EPN3: variants seen among roughly 807,000 people sequenced by gnomAD.
EPN3 encodes epsin 3, also known as epsin-3.
Under a neutral mutation model 55.5 loss-of-function variants are expected in EPN3, and 56 were observed. The observed-to-expected ratio is 1.01, with a 90% confidence interval of 0.81 to 1.26. EPN3 has a LOEUF of 1.26. EPN3 is among the 50% of genes most tolerant of loss of function. The pLI, the probability that EPN3 is intolerant of heterozygous loss-of-function variation, is 0.00. For synonymous variants in EPN3, 449 were observed against 375.2 expected (o/e 1.20, Z -2.27); for missense variants, 927 against 853.4 (o/e 1.09, Z -1.07).
chr17:50,535,704 C>T (rs1032210269), intron 1 of EPN3, among the ~76,000 whole-genome samples: 2 of 152,178 alleles, frequency 1.3e-5, no homozygotes, highest in Admixed American at 6.5e-5. Flanking sequence ...CTCAACTGAA[C>T]GTGGGTGGAC....
Position 50,542,874 on chromosome 17 carries a change from T to TGCACAG in EPN3, c.*719_*724dup, listed in dbSNP as rs1394011242. 6.6e-6 allele frequency: 1 copy of TGCACAG among 152,226 alleles called. No homozygotes were observed. The highest frequency in any genetic ancestry group is 2.4e-5 in the African/African-American group (1 of 41,460). The allele number at this position is 152,226 out of a possible 1,614,324, so 9.4% of individuals were successfully genotyped here. A position where few individuals can be genotyped will look rare whatever the true frequency, so the allele number is the denominator to read the frequency against. On this transcript the variant is annotated 3_prime_UTR_variant, in exon 10 of 10. Coordinates refer to ENST00000268933, the MANE Select transcript of EPN3 (RefSeq NM_017957.3). Reference sequence around the variant, plus strand: ...AGCGCAAAGCCCACTGCAGTGCGATTGCACAGGTATCTCACCTTGCAGCCG... The same window carrying TGCACAG: ...AGCGCAAAGCCCACTGCAGTGCGATTGCACAGGCACAGGTATCTCACCTTGCAGCCG...
chr17:50,536,724 C>A lies in EPN3; in HGVS notation c.168C>A (p.Val56=). 6.2e-7 allele frequency: 1 copy of A among 1,614,136 alleles called. No individual in the cohort carries two copies. The highest frequency in any genetic ancestry group is 8.5e-7 in the Non-Finnish European group (1 of 1,180,032). ...TCAACACAGTGGCCTTCACCGAAGTCATGGGCATGCTGTGGCGGCGGCTCA... is the reference window on the plus strand; with the variant it reads ...TCAACACAGTGGCCTTCACCGAAGTAATGGGCATGCTGTGGCGGCGGCTCA... ...LTFNTVAFTE[V]MGMLWRRLND... The change falls in exon 2 of 10, where the codon GTC becomes GTA. Residue 56 remains valine, a synonymous_variant. Transcript: ENST00000268933.
chr17:50,532,796 AG>A lies in EPN3; in HGVS notation c.-323del. ...CGCGGGAAGAGCTGCTACCCATTCCAGGGACCCTGCCGCTGCCCCTCTGAGG... is the reference window on the plus strand; with the variant it reads ...CGCGGGAAGAGCTGCTACCCATTCCAGGACCCTGCCGCTGCCCCTCTGAGG... On this transcript the variant is annotated 5_prime_UTR_variant, in exon 1 of 10. Transcript: ENST00000268933. 1.0e-6 allele frequency: 1 copy of A among 973,332 alleles called. No homozygotes were observed. The highest frequency in any genetic ancestry group is 1.4e-6 in the Non-Finnish European group (1 of 726,306). The allele number at this position is 973,332 out of a possible 1,614,324, so 60.3% of individuals were successfully genotyped here. A position where few individuals can be genotyped will look rare whatever the true frequency, so the allele number is the denominator to read the frequency against.
intron 7 of EPN3, 66 bp from the exon 8 acceptor site, chr17:50,541,163 G>A: frequency 6.2e-7 from 1 of 1,606,688 alleles, no homozygotes; most frequent in Non-Finnish European, 8.5e-7. Flanking sequence ...AGCTTCTCTG[G>A]AAAGGGGTCA....
rs748676833 is a variant in EPN3 at position 50,542,115 on chromosome 17, G to A, written c.1857G>A (p.Pro619=). Residue 619 remains proline, a synonymous_variant, in exon 10 of 10, where the codon CCG becomes CCA. Coordinates refer to ENST00000268933, the MANE Select transcript of EPN3 (RefSeq NM_017957.3). Reference sequence around the variant, plus strand: ...TGCCCACGCCGAGCTCAGCCGGGCCGCGGCCCCCGCCCCCGCAGACCGGCA... The same window carrying A: ...TGCCCACGCCGAGCTCAGCCGGGCCACGGCCCCCGCCCCCGCAGACCGGCA... The part of the protein sequence containing the change: ...PLLPTPSSAG[P]RPPPPQTGTN... 2.0e-4 allele frequency: 305 copies of A among 1,530,732 alleles called. 1 individual carries two copies. In the East Asian group the frequency reaches 7.7e-3, roughly 39 times the overall value. 94.8% of individuals were successfully genotyped at this position (1,530,732 alleles called of 1,614,324 possible).
In EPN3 at chr17:50,536,469, A is replaced by G. The variant is rs1336818225; in HGVS notation, c.-88A>G. ...AGCTGCTCTGCTAACACGGCAGCCCATCCTTCAAGACTGTGACCTCGCCAC... is the reference window on the plus strand; with the variant it reads ...AGCTGCTCTGCTAACACGGCAGCCCGTCCTTCAAGACTGTGACCTCGCCAC... On this transcript the variant is annotated 5_prime_UTR_variant, in exon 2 of 10. Coordinates refer to ENST00000268933, the MANE Select transcript of EPN3 (RefSeq NM_017957.3). The G allele has an allele frequency of 6.3e-7, 1 of 1,581,140 alleles. No homozygotes were observed. The highest frequency in any genetic ancestry group is 8.5e-7 in the Non-Finnish European group (1 of 1,171,068).
At position 50,536,510 on chromosome 17, in the gene EPN3, TCCACCTCCGGCGGGGGCGAGGGCCAC is replaced by T. The variant is rs1567903299; in HGVS notation, c.-38_-13del. On this transcript the variant is annotated 5_prime_UTR_variant, in exon 2 of 10. Coordinates refer to ENST00000268933, the MANE Select transcript of EPN3 (RefSeq NM_017957.3). ...ACCTCGCCACAGTGGCCCTCAGCCC[TCCACCTCCGGCGGGGGCGAGGGCCAC>T]CCACCTCCAAGTCTCCAGCCATGAC... The T allele has an allele frequency of 7.5e-6, 12 of 1,610,732 alleles. No homozygotes were observed. The highest frequency in any genetic ancestry group is 3.3e-4 in the Middle Eastern group (2 of 6,062).
At position 50,542,202 on chromosome 17, in the gene EPN3, C is replaced by T; in HGVS notation, c.*45C>T. 1 of 1,420,864 alleles carries T rather than the reference C, an allele frequency of 7.0e-7. No homozygotes were observed. The highest frequency in any genetic ancestry group is 9.1e-7 in the Non-Finnish European group (1 of 1,097,230). 88.0% of individuals were successfully genotyped at this position (1,420,864 alleles called of 1,614,324 possible). On this transcript the variant is annotated 3_prime_UTR_variant, in exon 10 of 10. Coordinates refer to ENST00000268933, the MANE Select transcript of EPN3 (RefSeq NM_017957.3). ...CGGCCTGCGCCTGCGCCGGACGCTC[C>T]GCGGCCCCGCCTCCGGACCCGGGGC...
In EPN3 at chr17:50,541,082, G is replaced by A. The variant is rs750517385; in HGVS notation, c.1249+20G>A. ...CACCTGGTAAGAAGAGGGCCAGAGA[G>A]TGTGAGTGAGGAGCTGGGGGACTTC... On this transcript the variant is annotated intron_variant, in intron 7 of 9. Coordinates refer to ENST00000268933, the MANE Select transcript of EPN3 (RefSeq NM_017957.3). 6.4e-7 allele frequency: 1 copy of A among 1,570,916 alleles called. No individual in the cohort carries two copies. Among genetic ancestry groups the A allele is most frequent in the Non-Finnish European group, 8.6e-7 (1 of 1,160,452 alleles).
chr17:50,540,743 C>T lies in EPN3; in HGVS notation c.980-50C>T, dbSNP rs1361364677. Reference sequence around the variant, plus strand: ...CTGGGTAACTGGGAAGGGCCCTGGGCGAGGGATAAGGGTGGGCCTGGGATC... The same window carrying T: ...CTGGGTAACTGGGAAGGGCCCTGGGTGAGGGATAAGGGTGGGCCTGGGATC... On this transcript the variant is annotated intron_variant, in intron 6 of 9. Coordinates refer to ENST00000268933, the MANE Select transcript of EPN3 (RefSeq NM_017957.3). 9 of 1,531,350 alleles carry T rather than the reference C, an allele frequency of 5.9e-6. 1 individual carries two copies. Among genetic ancestry groups the T allele is most frequent in the Middle Eastern group, 1.8e-4 (1 of 5,650 alleles). The allele number at this position is 1,531,350 out of a possible 1,614,324, so 94.9% of individuals were successfully genotyped here. A position where few individuals can be genotyped will look rare whatever the true frequency, so the allele number is the denominator to read the frequency against.
chr17:50,537,160 C>A, intron 2 of EPN3, 42 bp downstream of exon 2: 1 of 1,506,104 alleles, frequency 6.6e-7, no homozygotes, highest in Non-Finnish European at 8.9e-7. Context: ...GGAGGTGGCC[C>A]GACTTCCATT....
rs1033702513 is a variant in EPN3 at position 50,542,162 on chromosome 17, C to G, written c.*5C>G. ...GGCACCAACCCCTTCCTCTGAGCCCCGCCCCGTCCCATACCGGCCTGCGCC... is the reference window on the plus strand; with the variant it reads ...GGCACCAACCCCTTCCTCTGAGCCCGGCCCCGTCCCATACCGGCCTGCGCC... On this transcript the variant is annotated 3_prime_UTR_variant, in exon 10 of 10. Transcript: ENST00000268933. 2 of 1,486,854 alleles carry G rather than the reference C, an allele frequency of 1.3e-6. No homozygotes were observed. The highest frequency in any genetic ancestry group is 1.8e-6 in the Non-Finnish European group (2 of 1,127,620). 92.1% of individuals were successfully genotyped at this position (1,486,854 alleles called of 1,614,324 possible).
chr17:50,538,036 G>C (rs200771529), intron 2 of EPN3, 43 bp from the exon 3 acceptor site: 2 of 1,503,154 alleles, frequency 1.3e-6, no homozygotes, highest in Non-Finnish European at 1.8e-6. Context: ...TGTGGGAGCC[G>C]ATGGGTAATC....
At chr17:50,540,693 T>A (rs2034835604) in intron 6 of EPN3, 100 bp from the exon 7 acceptor site, 2 of 1,455,236 alleles carry the variant, frequency 1.4e-6, no homozygotes, top group Non-Finnish European at 1.9e-6. Context: ...ATCTGTGACA[T>A]GGATCTTCTG....
At chr17:50,533,367 A>C (rs2034704616) in intron 1 of EPN3, among the ~76,000 whole-genome samples, 1 of 152,138 alleles carries the variant, frequency 6.6e-6, no homozygotes, top group African/African-American at 2.4e-5. Flanking sequence ...TACAGTGGCC[A>C]GAAGCTTAGA....
At position 50,538,910 on chromosome 17, in the gene EPN3, C is replaced by T. The variant is rs72835715; in HGVS notation, c.708C>T (p.Asp236=). Reference sequence around the variant, plus strand: ...CTGTCCCCCCAGCCTCCCACAGGGACGAGGACCTGCAGCTGCAGCTGGCTC... The same window carrying T: ...CTGTCCCCCCAGCCTCCCACAGGGATGAGGACCTGCAGCTGCAGCTGGCTC... The part of the protein sequence containing the change: ...EKPVPPASHR[D]EDLQLQLALR... The change falls in exon 4 of 10, where the codon GAC becomes GAT. Residue 236 remains aspartate, a synonymous_variant. Coordinates refer to ENST00000268933, the MANE Select transcript of EPN3 (RefSeq NM_017957.3). The T allele has an allele frequency of 0.044, 70,592 of 1,607,578 alleles. 1,880 individuals carry two copies. Among genetic ancestry groups the T allele is most frequent in the Non-Finnish European group, 0.052 (61,029 of 1,175,816 alleles).
intron 5 of EPN3, 22 bp from the exon 6 acceptor site, chr17:50,540,225 C>A (rs138823901): frequency 6.8e-6 from 11 of 1,606,748 alleles, no homozygotes; most frequent in Admixed American, 1.7e-5. Context: ...TTCTGAGCCG[C>A]GGCTGCCTCT....
Position 50,539,197 on chromosome 17 carries a change from C to T in EPN3, c.773C>T (p.Ser258Phe). ...CTGTGCCTTCTGCAGGAGGTGAGGT[C>T]CTGGCAGGGTGATGGCTCCCCCATG... Reference protein sequence around the residue: ...SRQEHEKEVRSWQGDGSPMAN... With the variant: ...SRQEHEKEVRFWQGDGSPMAN... Residue 258 changes from serine to phenylalanine, a missense_variant, in exon 5 of 10, where the codon TCC becomes TTC. Physicochemically the swap from Ser to Phe is radical, Grantham distance 155 (BLOSUM62 -2). Coordinates refer to ENST00000268933, the MANE Select transcript of EPN3 (RefSeq NM_017957.3). The T allele has an allele frequency of 6.2e-7, 1 of 1,613,994 alleles. No individual in the cohort carries two copies. Among genetic ancestry groups the T allele is most frequent in the Non-Finnish European group, 8.5e-7 (1 of 1,179,980 alleles).
intron 1 of EPN3, among the ~76,000 whole-genome samples, chr17:50,533,441 G>A (rs958537438): frequency 2.6e-5 from 4 of 152,156 alleles, no homozygotes; most frequent in Non-Finnish European, 5.9e-5. Flanking sequence ...CACTGCTCAG[G>A]CTGGATCTGA....
Sources: gnomAD v4.1 joint callset for allele counts (sites outside exome capture counted in the v4.1 genomes callset) on GRCh38, gnomAD v4.1.1 for gene constraint, MANE v1.5 for transcripts, NCBI Gene and HGNC (gene_info 2026-07-23, HGNC 2026-07-21) for gene names.